Variants in PCDH15 observed in about 807,000 individuals in gnomAD.
PCDH15 encodes protocadherin related 15.
A neutral mutation model predicts 178.5 loss-of-function variants in PCDH15; 129 were observed. The ratio of observed to expected loss-of-function variants is 0.72; its 90% CI spans 0.63 to 0.84. The LOEUF is 0.84. Ranked by LOEUF, PCDH15 falls within the 40% of genes least tolerant of loss-of-function variation. PCDH15 has a pLI of 0.00. For synonymous variants in PCDH15, 800 were observed against 732.0 expected (o/e 1.09, Z -1.50); for missense variants, 2,230 against 2,099.9 (o/e 1.06, Z -1.21).
chr10:55,476,517 A>C (rs11004887), intron 2 of PCDH15, among the ~76,000 whole-genome samples: 12,489 of 152,014 alleles, frequency 0.082, 698 homozygotes, highest in Admixed American at 0.13. Flanking sequence ...GAATGGAAAA[A>C]AATGTCCCAA....
chr10:53,979,593 T>C (rs1421695904), intron 21 of PCDH15, among the ~76,000 whole-genome samples: 1 of 152,228 alleles, frequency 6.6e-6, no homozygotes, highest in Non-Finnish European at 1.5e-5. Flanking sequence ...CATATTCGTC[T>C]CTCAAGATGG....
At chr10:55,110,485 C>T (rs1417205176) in intron 2 of PCDH15, among the ~76,000 whole-genome samples, 1 of 152,086 alleles carries the variant, frequency 6.6e-6, no homozygotes, top group Non-Finnish European at 1.5e-5. Context: ...CTAAGGTCTT[C>T]AAACTTTGCT....
At position 55,466,394 on chromosome 10, in the gene PCDH15, G is replaced by T. The variant is rs1322385484; in HGVS notation, c.-156+161231C>A. Among the ~76,000 whole-genome samples, 3 of 152,086 alleles carry T rather than the reference G, an allele frequency of 2.0e-5. 1 individual carries two copies. Among genetic ancestry groups the T allele is most frequent in the Non-Finnish European group, 4.4e-5 (3 of 67,996 alleles). ...TAATTGGAGGTAGCAGAAATATTAT[G>T]TGATGATCCACAATAAATAAATAAT... On this transcript the variant is annotated intron_variant, in intron 2 of 5. Transcript: ENST00000613346.
At chr10:54,600,580 T>C (rs1320748734) in intron 2 of PCDH15, 2 of 591,382 alleles carry the variant, frequency 3.4e-6, no homozygotes, top group Non-Finnish European at 3.3e-6. Context: ...ACTCAAATGG[T>C]CGAAGAGCAT....
chr10:54,578,936 C>T (rs2090772820), intron 2 of PCDH15, among the ~76,000 whole-genome samples: 1 of 152,062 alleles, frequency 6.6e-6, no homozygotes, highest in Non-Finnish European at 1.5e-5. Context: ...ATTTTCTAGA[C>T]AAGCAACTGA....
chr10:54,200,744 A>G (rs912655961), intron 10 of PCDH15, among the ~76,000 whole-genome samples: 5 of 151,450 alleles, frequency 3.3e-5, no homozygotes, highest in Admixed American at 1.3e-4. Context: ...TTTACTACCC[A>G]TTTTTTCTCA....
chr10:54,815,567 A>T (rs1307259426), intron 3 of PCDH15, among the ~76,000 whole-genome samples: 1 of 152,104 alleles, frequency 6.6e-6, no homozygotes, highest in African/African-American at 2.4e-5. Flanking sequence ...AGTAAATTGC[A>T]TATCACAGTA....
chr10:55,434,540 A>G (rs976662322), intron 2 of PCDH15, among the ~76,000 whole-genome samples: 5 of 152,176 alleles, frequency 3.3e-5, no homozygotes, highest in Non-Finnish European at 7.3e-5. Flanking sequence ...CCACAGACAC[A>G]AAATATCTAG....
intron 2 of PCDH15, among the ~76,000 whole-genome samples, chr10:55,142,088 T>C (rs1195893822): frequency 6.6e-6 from 1 of 152,144 alleles, no homozygotes; most frequent in African/African-American, 2.4e-5. Context: ...GAAACATTCA[T>C]TGTGACTGCA....
chr10:54,329,618 T>C lies in PCDH15; in HGVS notation c.683A>G (p.Tyr228Cys). Residue 228 changes from tyrosine (Y) to cysteine (C), a missense_variant, in exon 7 of 38, where the codon TAC (tyrosine) becomes TGC (cysteine). Coordinates refer to ENST00000644397, the MANE Select transcript of PCDH15 (RefSeq NM_001384140.1). ...CACATTAGCTTGGATTATGACAAAG[T>C]AGCGAGTCTTATCTTCATAGTTGAG... Reference protein sequence around the residue: ...KRLNYEDKTRYFVIIQANDRA... With the variant: ...KRLNYEDKTRCFVIIQANDRA... 2 of 1,600,166 alleles carry C rather than the reference T, an allele frequency of 1.2e-6. No individual in the cohort carries two copies. The highest frequency in any genetic ancestry group is 1.7e-6 in the Non-Finnish European group (2 of 1,167,682).
intron 2 of PCDH15, among the ~76,000 whole-genome samples, chr10:55,442,852 C>A (rs1327480053): frequency 6.6e-6 from 1 of 151,820 alleles, no homozygotes; most frequent in Non-Finnish European, 1.5e-5. Flanking sequence ...CCACCAAAAG[C>A]AAGTTTAGTG....
At chr10:55,544,868 G>C (rs546026456) in intron 2 of PCDH15, among the ~76,000 whole-genome samples, 1 of 152,076 alleles carries the variant, frequency 6.6e-6, no homozygotes, top group African/African-American at 2.4e-5. Context: ...AGGTAAAGGA[G>C]GTCACTTTTA....
intron 1 of PCDH15, among the ~76,000 whole-genome samples, chr10:55,248,643 C>T (rs887004027): frequency 2.0e-5 from 3 of 152,134 alleles, no homozygotes; most frequent in Non-Finnish European, 2.9e-5. Context: ...TCCCTGCAAC[C>T]TCCACGTAGT....
chr10:54,256,096 C>A (rs1350006283), intron 8 of PCDH15, among the ~76,000 whole-genome samples: 1 of 152,142 alleles, frequency 6.6e-6, no homozygotes, highest in Non-Finnish European at 1.5e-5. Flanking sequence ...ATGCCACCAG[C>A]CTGCTCCCAC....
intron 2 of PCDH15, among the ~76,000 whole-genome samples, chr10:55,328,476 C>G (rs1223435100): frequency 5.9e-5 from 9 of 151,652 alleles, no homozygotes; most frequent in African/African-American, 2.2e-4. Flanking sequence ...TTATCTAAAC[C>G]TAGCTAAACA....
At chr10:55,514,966 T>G (rs532292297) in intron 2 of PCDH15, among the ~76,000 whole-genome samples, 242 of 149,746 alleles carry the variant, frequency 1.6e-3, no homozygotes, top group African/African-American at 5.6e-3. Flanking sequence ...GCAAAATATA[T>G]ATAGATAGAT....
chr10:54,864,122 C>A (rs1442046637), intron 3 of PCDH15, among the ~76,000 whole-genome samples: 1 of 152,008 alleles, frequency 6.6e-6, no homozygotes, highest in East Asian at 1.9e-4. Flanking sequence ...GGATATTTGG[C>A]CATATATAAA....
intron 1 of PCDH15, among the ~76,000 whole-genome samples, chr10:54,794,220 C>T (rs1046931567): frequency 6.6e-5 from 10 of 150,466 alleles, no homozygotes; most frequent in African/African-American, 2.2e-4. Context: ...CATAAACACA[C>T]AGCAATGCTC....
chr10:54,115,334 G>A (rs7915833), intron 15 of PCDH15, among the ~76,000 whole-genome samples: 4,456 of 152,238 alleles, frequency 0.029, 235 homozygotes, highest in African/African-American at 0.1. Context: ...TGGAAAGTAA[G>A]TGTCAAGCAT....
Sources: gnomAD v4.1 joint callset for allele counts (sites outside exome capture counted in the v4.1 genomes callset) on GRCh38, gnomAD v4.1.1 for gene constraint, MANE v1.5 for transcripts, NCBI Gene and HGNC (gene_info 2026-07-23, HGNC 2026-07-21) for gene names.